The following NSMAF variants were observed in gnomAD, a reference collection of about 807,000 sequenced individuals.
NSMAF encodes protein FAN.
A neutral mutation model predicts 134.9 loss-of-function variants in NSMAF; 90 were observed. The observed-to-expected ratio is 0.67, with a 90% CI of 0.56 to 0.79. The LOEUF is 0.79. Ranked by LOEUF, NSMAF falls within the 30% of genes least tolerant of loss-of-function variation. The pLI, the probability that NSMAF is intolerant of heterozygous loss-of-function variation, is 0.00. For synonymous variants in NSMAF, 358 were observed against 389.6 expected, an observed-to-expected ratio of 0.92 and a Z score of 0.96; for missense variants, 1,010 against 1,119.0, an observed-to-expected ratio of 0.90 and a Z score of 1.39.
At chr8:58,647,379 G>A (rs1229576473) in intron 1 of NSMAF, among the ~76,000 whole-genome samples, 2 of 152,188 alleles carry the variant, frequency 1.3e-5, no homozygotes, top group African/African-American at 4.8e-5. Context: ...AACTGTTATA[G>A]ACAAGGCAAG....
At position 58,597,519 on chromosome 8, in the gene NSMAF, G is replaced by A; in HGVS notation, c.1660C>T (p.Leu554Phe). 1 of 1,614,190 alleles carries A rather than the reference G, an allele frequency of 6.2e-7. No homozygotes were observed. Among genetic ancestry groups the A allele is most frequent in the Non-Finnish European group, 8.5e-7 (1 of 1,180,008 alleles). ...IQDPDEKVAM[L>F]TQILEFGQTP... ...TGCCCAAATTCCAAGATTTGCGTAAGCATGGCTACCTTCTCATCAGGATCC... is the reference window on the plus strand; with the variant it reads ...TGCCCAAATTCCAAGATTTGCGTAAACATGGCTACCTTCTCATCAGGATCC... Residue 554 changes from leucine to phenylalanine, a missense_variant, in exon 21 of 31, where the codon CTT (leucine) becomes TTT (phenylalanine). Physicochemically the swap from Leu to Phe is conservative, Grantham distance 22. Transcript: ENST00000038176.
chr8:58,639,922 A>G, intron 2 of NSMAF: 1 of 336,092 alleles, frequency 3.0e-6, no homozygotes, highest in South Asian at 2.4e-5. Context: ...TTTCACGTAG[A>G]CTCTAAAAGA....
chr8:58,632,047 A>G (rs1807066896), intron 5 of NSMAF, among the ~76,000 whole-genome samples: 1 of 152,158 alleles, frequency 6.6e-6, no homozygotes, highest in Non-Finnish European at 1.5e-5. Context: ...AGAGCCATCA[A>G]TCTCCTTGTA....
chr8:58,651,693 A>T (rs1210655102), intron 1 of NSMAF, among the ~76,000 whole-genome samples: 1 of 152,240 alleles, frequency 6.6e-6, no homozygotes, highest in Non-Finnish European at 1.5e-5. Context: ...TTAAAGAAGG[A>T]AGTTCAGTTG....
intron 1 of NSMAF, among the ~76,000 whole-genome samples, chr8:58,643,451 C>T (rs1254551709): frequency 6.6e-6 from 1 of 152,138 alleles, no homozygotes; most frequent in Non-Finnish European, 1.5e-5. Context: ...CCACCTCTTC[C>T]CTGTCATACC....
At chr8:58,611,491 C>A (rs10957062) in intron 9 of NSMAF, among the ~76,000 whole-genome samples, 52 of 152,226 alleles carry the variant, frequency 3.4e-4, no homozygotes, top group African/African-American at 1.2e-3. Flanking sequence ...CATGATTATG[C>A]CACTGCACTC....
At chr8:58,629,748 G>A (rs1044624346) in intron 6 of NSMAF, among the ~76,000 whole-genome samples, 1 of 152,180 alleles carries the variant, frequency 6.6e-6, no homozygotes, top group African/African-American at 2.4e-5. Context: ...CCTTTTCTAT[G>A]GAAGTGTCTT....
chr8:58,599,761 G>C lies in NSMAF; in HGVS notation c.1442C>G (p.Pro481Arg), dbSNP rs768962374. 6.2e-7 allele frequency: 1 copy of C among 1,614,008 alleles called. No individual in the cohort carries two copies. The highest frequency in any genetic ancestry group is 8.5e-7 in the Non-Finnish European group (1 of 1,179,928). Residue 481 changes from proline to arginine, a missense_variant, in exon 18 of 31, where the codon CCT becomes CGT. Pro to Arg is a moderately radical substitution (Grantham distance 103). Coordinates refer to ENST00000038176, the MANE Select transcript of NSMAF (RefSeq NM_003580.4). ...AAGGGGGGACTCACTGGAAGCCCAA[G>C]GGGGAAGCTCCACGTCGTCAACCAT... is the stretch of plus-strand genomic sequence containing the variant. ...GQMVDDVELPPWASSPEDFLQ... is the reference protein window; with the variant it reads ...GQMVDDVELPRWASSPEDFLQ...
chr8:58,595,874 G>C (rs2279459), intron 21 of NSMAF: 12,878 of 448,686 alleles, frequency 0.029, 827 homozygotes, highest in East Asian at 0.22. Flanking sequence ...AATAATACTA[G>C]AATCTTTTTA....
At chr8:58,623,572 TA>T in intron 7 of NSMAF, 136 bp downstream of exon 7, 1 of 1,072,554 alleles carries the variant, frequency 9.3e-7, no homozygotes, top group Non-Finnish European at 1.4e-6. Context: ...ATATAGTTTT[TA>T]AACTCAACAT....
At chr8:58,594,872 G>A (rs1806100836) in intron 22 of NSMAF, 1 of 155,322 alleles carries the variant, frequency 6.4e-6, no homozygotes, top group Non-Finnish European at 1.4e-5. Flanking sequence ...TCCATCTAAT[G>A]CACAGCAGTA....
At chr8:58,587,556 T>C (rs532594387) in intron 27 of NSMAF, 62 bp downstream of exon 27, 2 of 1,426,384 alleles carry the variant, frequency 1.4e-6, no homozygotes, top group South Asian at 2.4e-5. Flanking sequence ...AAAAACCTTC[T>C]TCCAGCCGAA....
chr8:58,598,250 T>C (rs1022022031), intron 19 of NSMAF, among the ~76,000 whole-genome samples: 20 of 152,116 alleles, frequency 1.3e-4, no homozygotes, highest in African/African-American at 4.8e-4. Flanking sequence ...ATGGATTATA[T>C]GTGAGTTCAT....
chr8:58,618,293 A>G (rs781271893), intron 9 of NSMAF, among the ~76,000 whole-genome samples: 1 of 152,188 alleles, frequency 6.6e-6, no homozygotes, highest in Non-Finnish European at 1.5e-5. Flanking sequence ...CATGTACCCT[A>G]GAACTTAAAG....
intron 1 of NSMAF, among the ~76,000 whole-genome samples, chr8:58,653,820 T>A (rs992304998): frequency 9.9e-5 from 15 of 152,154 alleles, no homozygotes; most frequent in Non-Finnish European, 1.9e-4. Context: ...ACTAAAAAAA[T>A]TTTTAATGAA....
At chr8:58,600,283 T>C in intron 16 of NSMAF, 3 of 418,840 alleles carry the variant, frequency 7.2e-6, no homozygotes, top group Admixed American at 4.1e-5. Flanking sequence ...CATATACACA[T>C]TGCCTCATCC....
chr8:58,635,560 T>A lies in NSMAF; in HGVS notation c.150-14A>T, dbSNP rs764286226. Reference sequence around the variant, plus strand: ...CCTCTGATTTTCCTAGGGATCCAAGTACAACAGATTGTTTGATGAGCATAA... The same window carrying A: ...CCTCTGATTTTCCTAGGGATCCAAGAACAACAGATTGTTTGATGAGCATAA... On this transcript the variant is annotated splice_polypyrimidine_tract_variant and intron_variant, in intron 2 of 30. Coordinates refer to ENST00000038176, the MANE Select transcript of NSMAF (RefSeq NM_003580.4). 2.0e-6 allele frequency: 3 copies of A among 1,518,194 alleles called. No homozygotes were observed. Among genetic ancestry groups the A allele is most frequent in the Non-Finnish European group, 2.7e-6 (3 of 1,113,018 alleles). 94.0% of individuals were successfully genotyped at this position (1,518,194 alleles called of 1,614,324 possible).
chr8:58,647,218 T>A (rs1268042808), intron 1 of NSMAF, among the ~76,000 whole-genome samples: 2 of 152,240 alleles, frequency 1.3e-5, no homozygotes, highest in East Asian at 3.9e-4. Context: ...ACAGGAGTGC[T>A]GTGTATTTGC....
At chr8:58,593,006 G>A (rs1252438442) in intron 23 of NSMAF, among the ~76,000 whole-genome samples, 18 of 152,064 alleles carry the variant, frequency 1.2e-4, no homozygotes, top group Non-Finnish European at 1.5e-5. Flanking sequence ...AAGCCACAAC[G>A]CTCATCAAAT....
Sources: allele counts gnomAD v4.1 joint callset (sites outside exome capture counted in the v4.1 genomes callset), GRCh38; gene constraint gnomAD v4.1.1; transcripts MANE v1.5; gene names NCBI Gene and HGNC (gene_info 2026-07-23, HGNC 2026-07-21).